Variants in ZNF385B observed in about 807,000 individuals in gnomAD.
The protein encoded by ZNF385B is zinc finger protein 385B.
Under a neutral mutation model 39.2 loss-of-function variants are expected in ZNF385B, and 23 were observed. That is an observed-to-expected ratio of 0.59 (90% CI 0.42 to 0.83). ZNF385B has a LOEUF of 0.83. Ranked by LOEUF, ZNF385B falls within the 40% of genes least tolerant of loss-of-function variation. The probability of loss-of-function intolerance (pLI) is 0.00; values close to 1 mark genes in which losing one functional copy is unlikely to be tolerated. For synonymous variants in ZNF385B, 205 were observed against 222.6 expected (o/e 0.92, Z 0.70); for missense variants, 552 against 598.9 (o/e 0.92, Z 0.82).
At chr2:179,550,987 G>A (rs558920081) in intron 3 of ZNF385B, among the ~76,000 whole-genome samples, 1 of 152,144 alleles carries the variant, frequency 6.6e-6, no homozygotes, top group South Asian at 2.1e-4. Flanking sequence ...AATGCAAAAG[G>A]TGATACAATA....
intron 1 of ZNF385B, among the ~76,000 whole-genome samples, chr2:179,850,593 C>T (rs960143492): frequency 6.6e-6 from 1 of 152,132 alleles, no homozygotes; most frequent in African/African-American, 2.4e-5. Context: ...TATTCGGAAC[C>T]GGATGAGGAG....
intron 2 of ZNF385B, among the ~76,000 whole-genome samples, chr2:179,770,269 T>C (rs184380844): frequency 1.9e-4 from 29 of 152,314 alleles, no homozygotes; most frequent in Non-Finnish European, 2.8e-4. Context: ...CATTACAGTA[T>C]GAGCTCTATG....
chr2:179,746,874 C>T (rs1045535831), intron 3 of ZNF385B, among the ~76,000 whole-genome samples: 3 of 152,034 alleles, frequency 2.0e-5, no homozygotes, highest in African/African-American at 7.2e-5. Flanking sequence ...ACAAAATATA[C>T]AGATTTGACA....
At chr2:179,728,063 A>G (rs762497879) in intron 3 of ZNF385B, among the ~76,000 whole-genome samples, 3 of 152,104 alleles carry the variant, frequency 2.0e-5, no homozygotes, top group Non-Finnish European at 4.4e-5. Flanking sequence ...CCATTCCCAG[A>G]GAGCAACTGC....
chr2:179,828,322 T>A (rs531672193), intron 1 of ZNF385B, among the ~76,000 whole-genome samples: 14 of 152,226 alleles, frequency 9.2e-5, no homozygotes, highest in South Asian at 8.3e-4. Flanking sequence ...TAAAAATACA[T>A]CCTACAAAGG....
chr2:179,861,220 C>T lies in ZNF385B; in HGVS notation c.-274G>A. On this transcript the variant is annotated 5_prime_UTR_variant, in exon 1 of 10. Coordinates refer to ENST00000410066, the MANE Select transcript of ZNF385B (RefSeq NM_152520.6). ...TGCACCGGGGCTTCGCGCAGACGTT[C>T]TCCCGCGATCTGCTGCAGCCCAGGC... is the stretch of plus-strand genomic sequence containing the variant. 1 of 154,268 alleles carries T rather than the reference C, an allele frequency of 6.5e-6. No individual in the cohort carries two copies. Among genetic ancestry groups the T allele is most frequent in the Non-Finnish European group, 1.4e-5 (1 of 69,372 alleles). 9.6% of individuals were successfully genotyped at this position (154,268 alleles called of 1,614,324 possible).
At chr2:179,664,641 G>A (rs1170598584) in intron 3 of ZNF385B, among the ~76,000 whole-genome samples, 1 of 152,102 alleles carries the variant, frequency 6.6e-6, no homozygotes, top group Non-Finnish European at 1.5e-5. Flanking sequence ...AACAGCAGAA[G>A]ACTGGATGTG....
At chr2:179,663,418 T>C (rs547574363) in intron 3 of ZNF385B, among the ~76,000 whole-genome samples, 50 of 152,308 alleles carry the variant, frequency 3.3e-4, no homozygotes, top group African/African-American at 1.1e-3. Flanking sequence ...TTTAAAAATT[T>C]ATCTCATGAA....
At chr2:179,646,221 C>T (rs1692705161) in intron 3 of ZNF385B, among the ~76,000 whole-genome samples, 1 of 152,152 alleles carries the variant, frequency 6.6e-6, no homozygotes, top group South Asian at 2.1e-4. Context: ...TCAAGACCAG[C>T]CTGGCCAACA....
At chr2:179,854,082 C>T (rs1194441745) in intron 1 of ZNF385B, among the ~76,000 whole-genome samples, 1 of 151,922 alleles carries the variant, frequency 6.6e-6, no homozygotes, top group Non-Finnish European at 1.5e-5. Context: ...ATTTATATAC[C>T]AGTATGTGTA....
At chr2:179,842,572 T>A (rs1423341626) in intron 1 of ZNF385B, among the ~76,000 whole-genome samples, 1 of 152,124 alleles carries the variant, frequency 6.6e-6, no homozygotes, top group East Asian at 1.9e-4. Flanking sequence ...CATGATTAAC[T>A]CTTTCATAGA....
intron 3 of ZNF385B, among the ~76,000 whole-genome samples, chr2:179,639,202 T>C (rs964713461): frequency 8.6e-6 from 1 of 116,224 alleles, no homozygotes; most frequent in Non-Finnish European, 1.6e-5. Context: ...TACTCCAGTC[T>C]GGGGACAGAG....
intron 3 of ZNF385B, among the ~76,000 whole-genome samples, chr2:179,716,542 G>C (rs1331880075): frequency 6.6e-6 from 1 of 152,152 alleles, no homozygotes; most frequent in African/African-American, 2.4e-5. Flanking sequence ...CTTAAAAATT[G>C]TGTAGCAAAC....
chr2:179,694,468 G>T (rs1698571358), intron 3 of ZNF385B, among the ~76,000 whole-genome samples: 1 of 151,560 alleles, frequency 6.6e-6, no homozygotes, highest in African/African-American at 2.4e-5. Flanking sequence ...TTACTTAAGA[G>T]AAAATACAAA....
chr2:179,452,887 A>G (rs2050298466), intron 6 of ZNF385B, among the ~76,000 whole-genome samples: 1 of 152,182 alleles, frequency 6.6e-6, no homozygotes, highest in African/African-American at 2.4e-5. Context: ...GTAGCAGGAA[A>G]GCAGCCACTG....
intron 2 of ZNF385B, 150 bp from the exon 3 acceptor site, chr2:179,769,952 T>A (rs1180806956): frequency 7.0e-6 from 5 of 713,532 alleles, no homozygotes; most frequent in Non-Finnish European, 9.0e-6. Context: ...CAAAAGTACC[T>A]AAGTAAGCAA....
At chr2:179,732,513 A>G (rs193091593) in intron 3 of ZNF385B, among the ~76,000 whole-genome samples, 139 of 152,332 alleles carry the variant, frequency 9.1e-4, no homozygotes, top group African/African-American at 2.9e-3. Context: ...TAGCTAGATA[A>G]TCAATAGTCA....
intron 3 of ZNF385B, among the ~76,000 whole-genome samples, chr2:179,592,546 C>T (rs1014304019): frequency 6.4e-4 from 97 of 152,154 alleles, no homozygotes; most frequent in African/African-American, 2.2e-3. Context: ...CAAATTCTAC[C>T]CTAGGAAAGT....
At chr2:179,505,619 C>T (rs1411090175) in intron 5 of ZNF385B, among the ~76,000 whole-genome samples, 1 of 152,086 alleles carries the variant, frequency 6.6e-6, no homozygotes, top group Non-Finnish European at 1.5e-5. Context: ...AGAGAACATT[C>T]AGTGAGAATT....
Sources: allele counts gnomAD v4.1 joint callset (sites outside exome capture counted in the v4.1 genomes callset), GRCh38; gene constraint gnomAD v4.1.1; transcripts MANE v1.5; gene names NCBI Gene and HGNC (gene_info 2026-07-23, HGNC 2026-07-21).